INPP4B: variants seen among roughly 807,000 people sequenced by gnomAD.
INPP4B encodes inositol polyphosphate-4-phosphatase type II B.
INPP4B carries 55 observed loss-of-function variants against 122.5 expected under a neutral mutation model. The observed-to-expected ratio is 0.45, with a 90% confidence interval of 0.36 to 0.56. The LOEUF (loss-of-function observed/expected upper bound fraction) is 0.56, where lower values mean the gene tolerates loss of function less well. INPP4B is among the 20% of genes least tolerant of loss of function. The pLI is 0.00. For synonymous variants in INPP4B, 403 were observed against 388.7 expected (o/e 1.04, Z -0.43); for missense variants, 1,000 against 1,097.7 (o/e 0.91, Z 1.26).
intron 7 of INPP4B, among the ~76,000 whole-genome samples, chr4:142,344,015 T>C (rs892675527): frequency 1.3e-4 from 20 of 152,218 alleles, no homozygotes; most frequent in African/African-American, 4.6e-4. Flanking sequence ...ATAACAGTTA[T>C]TATCATTGAG....
intron 2 of INPP4B, among the ~76,000 whole-genome samples, chr4:142,495,104 T>C (rs963140054): frequency 6.6e-6 from 1 of 152,168 alleles, no homozygotes; most frequent in African/African-American, 2.4e-5. Context: ...AAAGTTCCAA[T>C]GTAGTACTTT....
At chr4:142,088,281 A>G (rs1007349660) in intron 23 of INPP4B, among the ~76,000 whole-genome samples, 1 of 152,230 alleles carries the variant, frequency 6.6e-6, no homozygotes, top group Non-Finnish European at 1.5e-5. Context: ...TTTAATTTAT[A>G]ATCATGGCAT....
At chr4:142,621,533 A>G (rs538870410) in intron 2 of INPP4B, among the ~76,000 whole-genome samples, 12 of 152,078 alleles carry the variant, frequency 7.9e-5, no homozygotes, top group African/African-American at 2.9e-4. Flanking sequence ...AGATAAATTC[A>G]GACCATAGCA....
intron 2 of INPP4B, among the ~76,000 whole-genome samples, chr4:142,467,116 G>T (rs893158043): frequency 3.3e-5 from 5 of 152,254 alleles, no homozygotes; most frequent in African/African-American, 1.2e-4. Flanking sequence ...GGAAATGTGG[G>T]ATTGGAGACC....
intron 1 of INPP4B, among the ~76,000 whole-genome samples, chr4:142,838,101 T>G (rs569192841): frequency 8.6e-5 from 13 of 151,774 alleles, no homozygotes; most frequent in African/African-American, 3.1e-4. Flanking sequence ...TGGCAAATAG[T>G]AAGACTCAAT....
At chr4:142,243,572 G>C (rs991435837) in intron 11 of INPP4B, among the ~76,000 whole-genome samples, 3 of 152,046 alleles carry the variant, frequency 2.0e-5, no homozygotes, top group Non-Finnish European at 4.4e-5. Context: ...CAAACACTGA[G>C]GCAACATCCA....
chr4:142,306,608 G>T (rs925389843), intron 8 of INPP4B, among the ~76,000 whole-genome samples: 14 of 152,214 alleles, frequency 9.2e-5, no homozygotes, highest in African/African-American at 3.4e-4. Flanking sequence ...CTCAGAGACT[G>T]CTAGGCAGAG....
rs78996734 is a variant in INPP4B at position 142,217,169 on chromosome 4, G to C, written c.837-8143C>G. 4.9e-3 allele frequency among the ~76,000 whole-genome samples: 743 copies of C among 152,142 alleles called. 10 individuals carry two copies. The highest frequency in any genetic ancestry group is 0.017 in the African/African-American group (709 of 41,520). The stretch of plus-strand genomic sequence containing the variant: ...CAAAAAAACAAAAACAAAAAAAGAA[G>C]AAACAGAAGGCTTAAGATCACCAAA... On this transcript the variant is annotated intron_variant, in intron 12 of 25. Coordinates refer to ENST00000262992, the MANE Select transcript of INPP4B (RefSeq NM_001101669.3).
intron 9 of INPP4B, among the ~76,000 whole-genome samples, chr4:142,271,945 T>G (rs1746072389): frequency 6.6e-6 from 1 of 152,162 alleles, no homozygotes; most frequent in South Asian, 2.1e-4. Flanking sequence ...ATAGTGCCAT[T>G]ATACCATGGA....
intron 25 of INPP4B, among the ~76,000 whole-genome samples, chr4:142,053,203 A>G (rs1313579585): frequency 2.6e-5 from 4 of 152,028 alleles, no homozygotes; most frequent in African/African-American, 9.7e-5. Flanking sequence ...GGCTGGGAGG[A>G]CAAAAATTGT....
intron 2 of INPP4B, among the ~76,000 whole-genome samples, chr4:142,552,230 G>A (rs760257489): frequency 6.6e-6 from 1 of 152,128 alleles, no homozygotes; most frequent in Non-Finnish European, 1.5e-5. Flanking sequence ...AAATTTTGAT[G>A]TGCGTGTGAA....
chr4:142,622,428 A>G lies in INPP4B; in HGVS notation c.-191+103411T>C, dbSNP rs574678450. Among the ~76,000 whole-genome samples the G allele has an allele frequency of 7.2e-5, 11 of 151,996 alleles. No individual in the cohort carries two copies. In the South Asian group the frequency reaches 2.3e-3, roughly 32 times the overall value. ...AGTGTGCATGTCATACTTGCTTGTA[A>G]TGGTTAAAGCAATAGGGAATTGGGC... On this transcript the variant is annotated intron_variant, in intron 2 of 25. Transcript: ENST00000262992.
intron 2 of INPP4B, among the ~76,000 whole-genome samples, chr4:142,718,837 A>G (rs567568105): frequency 4.2e-4 from 64 of 152,352 alleles, no homozygotes; most frequent in Non-Finnish European, 7.3e-5. Flanking sequence ...GTAAGATTTA[A>G]GAAACTCAGT....
At chr4:142,220,480 T>C (rs897597246) in intron 12 of INPP4B, among the ~76,000 whole-genome samples, 1 of 152,224 alleles carries the variant, frequency 6.6e-6, no homozygotes, top group Non-Finnish European at 1.5e-5. Flanking sequence ...ACTTCACAAA[T>C]ATTCACTCAT....
At chr4:142,561,565 T>C (rs2150121699) in intron 2 of INPP4B, among the ~76,000 whole-genome samples, 1 of 152,168 alleles carries the variant, frequency 6.6e-6, no homozygotes, top group Admixed American at 6.5e-5. Context: ...ACTACAAATG[T>C]GAGCCACCAC....
intron 11 of INPP4B, among the ~76,000 whole-genome samples, chr4:142,259,010 A>G (rs1738093355): frequency 1.3e-5 from 2 of 152,168 alleles, no homozygotes; most frequent in Admixed American, 6.5e-5. Flanking sequence ...TACACCATGG[A>G]ATACTATGCA....
chr4:142,675,467 G>A (rs1336994381), intron 2 of INPP4B, among the ~76,000 whole-genome samples: 5 of 151,970 alleles, frequency 3.3e-5, no homozygotes, highest in African/African-American at 1.2e-4. Context: ...CCAAACAACA[G>A]AAAAAGAGGG....
Position 142,760,937 on chromosome 4 carries a change from G to C in INPP4B, c.-253-35036C>G, listed in dbSNP as rs148737184. On this transcript the variant is annotated intron_variant, in intron 1 of 25. Coordinates refer to ENST00000262992, the MANE Select transcript of INPP4B (RefSeq NM_001101669.3). ...AACGTTCTTCCCAAAGCTGGGTTAG[G>C]TATTCCCCAAAATGAACACTAGACC... 9.4e-4 allele frequency among the ~76,000 whole-genome samples: 143 copies of C among 152,138 alleles called. 1 individual carries two copies. The highest frequency in any genetic ancestry group is 1.6e-3 in the Admixed American group (25 of 15,272).
At chr4:142,329,051 G>A (rs1372935512) in intron 7 of INPP4B, among the ~76,000 whole-genome samples, 1 of 152,144 alleles carries the variant, frequency 6.6e-6, no homozygotes, top group African/African-American at 2.4e-5. Context: ...GCGCTGATCT[G>A]TCCTTTTAAG....
Sources: gnomAD v4.1 joint callset for allele counts (sites outside exome capture counted in the v4.1 genomes callset) on GRCh38, gnomAD v4.1.1 for gene constraint, MANE v1.5 for transcripts, NCBI Gene and HGNC (gene_info 2026-07-23, HGNC 2026-07-21) for gene names.